The following FILIP1L variants were observed in gnomAD, a reference collection of about 807,000 sequenced individuals.
FILIP1L encodes the protein filamin A-interacting protein 1-like.
FILIP1L carries 55 observed loss-of-function variants against 96.6 expected under a neutral mutation model. The observed-to-expected ratio is 0.57, with a 90% CI of 0.46 to 0.71. FILIP1L has a LOEUF of 0.71. Among genes scored for constraint, FILIP1L ranks in the 30% least tolerant of loss-of-function variants. The pLI is 0.00. For missense variants in FILIP1L, 1,304 were observed against 1,321.2 expected, an observed-to-expected ratio of 0.99 and a Z score of 0.20; for synonymous variants, 467 against 473.9, an observed-to-expected ratio of 0.99 and a Z score of 0.19.
At chr3:100,089,259 G>A (rs993503896) in intron 1 of FILIP1L, among the ~76,000 whole-genome samples, 1 of 152,118 alleles carries the variant, frequency 6.6e-6, no homozygotes, top group African/African-American at 2.4e-5. Flanking sequence ...TTTTCTGGCT[G>A]TATTTGCCCT....
Position 99,955,129 on chromosome 3 carries a change from G to A in FILIP1L, c.-10-24099C>T, listed in dbSNP as rs376021357. Among the ~76,000 whole-genome samples the A allele has an allele frequency of 5.9e-5, 9 of 152,310 alleles. No homozygotes were observed. The East Asian group carries it at 1.5e-3, about 26-fold the overall frequency. On this transcript the variant is annotated intron_variant, in intron 1 of 5. Transcript: ENST00000477258. Reference sequence around the variant, plus strand: ...TAAGTGATTACACAAGTGGTTTCAAGGCCCCTTTCAATTCTATGGCTGTAT... The same window carrying A: ...TAAGTGATTACACAAGTGGTTTCAAAGCCCCTTTCAATTCTATGGCTGTAT...
At chr3:100,048,639 G>A (rs1324603377) in intron 1 of FILIP1L, among the ~76,000 whole-genome samples, 2 of 151,960 alleles carry the variant, frequency 1.3e-5, no homozygotes, top group African/African-American at 4.8e-5. Flanking sequence ...ATTTAGAGAG[G>A]GAAAATAAAA....
chr3:99,931,081 T>A, intron 1 of FILIP1L, 51 bp from the exon 2 acceptor site: 1 of 1,460,752 alleles, frequency 6.8e-7, no homozygotes, highest in Non-Finnish European at 9.4e-7. Flanking sequence ...GGAGTTTTAA[T>A]AAGAGTACCT....
chr3:100,001,712 T>C lies in FILIP1L; in HGVS notation c.-10-70682A>G, dbSNP rs147018972. 7.9e-5 allele frequency among the ~76,000 whole-genome samples: 12 copies of C among 152,304 alleles called. No individual in the cohort carries two copies. In the East Asian group the frequency reaches 2.1e-3, roughly 27 times the overall value. The stretch of plus-strand genomic sequence containing the variant: ...CAAAAGAAACAGTACACATTGCAGA[T>C]GTGGCCAAGGTTTTCAAAATACCTG... On this transcript the variant is annotated intron_variant, in intron 1 of 5. Coordinates refer to ENST00000477258, the MANE Select transcript of FILIP1L (RefSeq NM_001387850.1).
chr3:99,859,268 TCA>T lies in FILIP1L; in HGVS notation c.606-8200_606-8199del, dbSNP rs529612997. On this transcript the variant is annotated intron_variant, in intron 4 of 5. Transcript: ENST00000477258. The stretch of plus-strand genomic sequence containing the variant: ...TGCAAGGCACTGTACTTGCTATTTG[TCA>T]GTTCTTTTTTCCCCAAAACCTGCCT... Among the ~76,000 whole-genome samples, 156 of 152,362 alleles carry T rather than the reference TCA, an allele frequency of 1.0e-3. 4 individuals carry two copies. In the South Asian group the frequency reaches 0.032, roughly 31 times the overall value.
chr3:99,850,744 G>T lies in FILIP1L; in HGVS notation c.932C>A (p.Ala311Glu), dbSNP rs369472685. 4 of 1,614,008 alleles carry T rather than the reference G, an allele frequency of 2.5e-6. No individual in the cohort carries two copies. The African/African-American group carries it at 5.3e-5, about 22-fold the overall frequency. The change falls in exon 5 of 6, where the codon GCG (alanine) becomes GAG (glutamate). Residue 311 changes from alanine (A) to glutamate (E), a missense_variant. Coordinates refer to ENST00000477258, the MANE Select transcript of FILIP1L (RefSeq NM_001387850.1). Reference protein sequence around the residue: ...KFHQDQDTIMAKLTNEDSQNR... With the variant: ...KFHQDQDTIMEKLTNEDSQNR... ...TTGACTGTCCTCATTGGTGAGCTTC[G>T]CCATAATTGTGTCTTGGTCTTGGTG...
At chr3:99,889,456 C>T (rs1706014837) in intron 4 of FILIP1L, among the ~76,000 whole-genome samples, 1 of 151,980 alleles carries the variant, frequency 6.6e-6, no homozygotes, top group Admixed American at 6.6e-5. Flanking sequence ...CTTTACCATA[C>T]CCTTATGTTC....
At chr3:99,913,519 G>T (rs948462829) in intron 4 of FILIP1L, among the ~76,000 whole-genome samples, 1 of 152,128 alleles carries the variant, frequency 6.6e-6, no homozygotes, top group African/African-American at 2.4e-5. Flanking sequence ...AAATAAAAAG[G>T]ATACAATCTA....
At chr3:99,863,054 C>T (rs185612787) in intron 4 of FILIP1L, among the ~76,000 whole-genome samples, 37 of 152,290 alleles carry the variant, frequency 2.4e-4, no homozygotes, top group African/African-American at 7.9e-4. Context: ...ACTTAGGCAG[C>T]GGTCCCCAAC....
chr3:100,108,523 C>T (rs1559760103), intron 1 of FILIP1L, among the ~76,000 whole-genome samples: 1 of 152,146 alleles, frequency 6.6e-6, no homozygotes, highest in Non-Finnish European at 1.5e-5. Context: ...AATCTATGCC[C>T]TTAGACATTA....
intron 1 of FILIP1L, among the ~76,000 whole-genome samples, chr3:100,014,204 A>ATT (rs1427442359): frequency 1.3e-5 from 2 of 150,924 alleles, no homozygotes; most frequent in Non-Finnish European, 3.0e-5. Context: ...GTATATATAT[A>ATT]TTATATATAT....
At chr3:100,037,564 T>C (rs2065129419) in intron 1 of FILIP1L, among the ~76,000 whole-genome samples, 1 of 152,192 alleles carries the variant, frequency 6.6e-6, no homozygotes, top group Non-Finnish European at 1.5e-5. Context: ...AATTTTTGTC[T>C]CCCAACAAAG....
At chr3:99,953,886 C>A (rs1708247604) in intron 1 of FILIP1L, among the ~76,000 whole-genome samples, 1 of 152,236 alleles carries the variant, frequency 6.6e-6, no homozygotes, top group Non-Finnish European at 1.5e-5. Context: ...AGGCAGAAGG[C>A]ACCAAGGCAT....
At chr3:99,986,022 G>A (rs187269701) in intron 1 of FILIP1L, among the ~76,000 whole-genome samples, 5 of 152,260 alleles carry the variant, frequency 3.3e-5, no homozygotes, top group Admixed American at 1.3e-4. Context: ...CAGTTTGCAC[G>A]TGGACCCAAG....
chr3:99,990,516 T>C (rs1263790069), intron 1 of FILIP1L, among the ~76,000 whole-genome samples: 1 of 152,216 alleles, frequency 6.6e-6, no homozygotes, highest in African/African-American at 2.4e-5. Context: ...GTGTATTAAA[T>C]GAATATCTAT....
intron 1 of FILIP1L, among the ~76,000 whole-genome samples, chr3:99,992,002 ATG>A (rs1201211092): frequency 6.7e-5 from 10 of 149,716 alleles, no homozygotes; most frequent in South Asian, 2.1e-4. Flanking sequence ...ACGTATATAT[ATG>A]TGTGTGTGTA....
At chr3:99,860,520 G>A (rs1263988407) in intron 4 of FILIP1L, among the ~76,000 whole-genome samples, 1 of 152,190 alleles carries the variant, frequency 6.6e-6, no homozygotes, top group African/African-American at 2.4e-5. Context: ...TCTCTGAAAG[G>A]TGAGGTTCCA....
At chr3:99,981,273 C>G (rs1709115400) in intron 1 of FILIP1L, among the ~76,000 whole-genome samples, 1 of 152,164 alleles carries the variant, frequency 6.6e-6, no homozygotes, top group African/African-American at 2.4e-5. Context: ...GGCCTCCTGG[C>G]AAACTCCTAC....
intron 1 of FILIP1L, among the ~76,000 whole-genome samples, chr3:100,039,160 A>T (rs2065159618): frequency 6.6e-6 from 1 of 152,224 alleles, no homozygotes; most frequent in South Asian, 2.1e-4. Context: ...AGTTCATCAA[A>T]CACAGAGACA....
Sources: allele counts gnomAD v4.1 joint callset (sites outside exome capture counted in the v4.1 genomes callset), GRCh38; gene constraint gnomAD v4.1.1; transcripts MANE v1.5; gene names NCBI Gene and HGNC (gene_info 2026-07-23, HGNC 2026-07-21).